The following TRAPPC9 variants were observed in gnomAD, a reference collection of about 807,000 sequenced individuals.
TRAPPC9 encodes the protein IKK2 binding protein.
In TRAPPC9, 83 loss-of-function variants were observed where a neutral mutation model predicts 124.0. That is an observed-to-expected ratio of 0.67 (90% CI 0.56 to 0.80). The LOEUF (loss-of-function observed/expected upper bound fraction) is 0.80. Among genes scored for constraint, TRAPPC9 ranks in the 30% least tolerant of loss-of-function variants. TRAPPC9 has a pLI of 0.00. For missense variants in TRAPPC9, 1,302 were observed against 1,508.3 expected, an observed-to-expected ratio of 0.86 and a Z score of 2.27; for synonymous variants, 638 against 617.5, an observed-to-expected ratio of 1.03 and a Z score of -0.49.
At chr8:140,062,585 C>T (rs1049842635) in intron 17 of TRAPPC9, among the ~76,000 whole-genome samples, 3 of 152,102 alleles carry the variant, frequency 2.0e-5, no homozygotes, top group Non-Finnish European at 2.9e-5. Context: ...TCCTGTAAGC[C>T]CTGCTCAGCA....
At chr8:139,810,395 T>C (rs960648862) in intron 21 of TRAPPC9, among the ~76,000 whole-genome samples, 1 of 151,894 alleles carries the variant, frequency 6.6e-6, no homozygotes, top group Non-Finnish European at 1.5e-5. Context: ...CGAGCCAGGG[T>C]CCAGCCGGAG....
At chr8:139,958,947 G>A (rs1476462120) in intron 19 of TRAPPC9, among the ~76,000 whole-genome samples, 6 of 134,726 alleles carry the variant, frequency 4.5e-5, no homozygotes, top group South Asian at 2.3e-4. Context: ...ACTGCATTCC[G>A]AGTCACACGG....
intron 17 of TRAPPC9, among the ~76,000 whole-genome samples, chr8:140,113,582 G>A (rs77919018): frequency 0.011 from 1,732 of 152,312 alleles, 37 homozygotes; most frequent in African/African-American, 0.04. Context: ...TCCTGGGCGT[G>A]GAGAAGTCAG....
intron 16 of TRAPPC9, among the ~76,000 whole-genome samples, chr8:140,245,051 G>A (rs1435653759): frequency 3.3e-5 from 5 of 151,880 alleles, no homozygotes; most frequent in Admixed American, 6.6e-5. Context: ...TGATTCACCC[G>A]CCTCAGCCTC....
At chr8:139,889,497 A>G (rs185929251) in intron 20 of TRAPPC9, among the ~76,000 whole-genome samples, 1 of 152,294 alleles carries the variant, frequency 6.6e-6, no homozygotes, top group Non-Finnish European at 1.5e-5. Flanking sequence ...GAGACAAGGA[A>G]TGGGAGGGAG....
intron 21 of TRAPPC9, among the ~76,000 whole-genome samples, chr8:139,751,405 C>A (rs1398593076): frequency 6.6e-6 from 1 of 152,202 alleles, no homozygotes; most frequent in Non-Finnish European, 1.5e-5. Flanking sequence ...CATATCCCTG[C>A]TGCTGGTCCC....
intron 17 of TRAPPC9, among the ~76,000 whole-genome samples, chr8:140,064,041 G>A (rs1014419862): frequency 6.6e-6 from 1 of 151,828 alleles, no homozygotes; most frequent in African/African-American, 2.4e-5. Flanking sequence ...CTTTTTCTCT[G>A]TGTAGCCATT....
intron 18 of TRAPPC9, among the ~76,000 whole-genome samples, chr8:140,001,016 A>G (rs559171283): frequency 1.1e-4 from 17 of 152,338 alleles, no homozygotes; most frequent in African/African-American, 3.6e-4. Flanking sequence ...GATTAAGAAA[A>G]TGTGGCACAT....
At chr8:140,412,406 C>T (rs1183615152) in intron 5 of TRAPPC9, among the ~76,000 whole-genome samples, 4 of 152,032 alleles carry the variant, frequency 2.6e-5, no homozygotes, top group Non-Finnish European at 4.4e-5. Context: ...GACTGGATCC[C>T]GCATCAGGAA....
chr8:139,942,212 G>A (rs528580733), intron 19 of TRAPPC9, among the ~76,000 whole-genome samples: 2 of 152,308 alleles, frequency 1.3e-5, no homozygotes, highest in African/African-American at 4.8e-5. Context: ...TTCTCAGCAA[G>A]GGTGATGACA....
At chr8:139,939,427 G>A (rs1388357367) in intron 19 of TRAPPC9, among the ~76,000 whole-genome samples, 1 of 152,240 alleles carries the variant, frequency 6.6e-6, no homozygotes, top group Non-Finnish European at 1.5e-5. Context: ...AACTCCAGAA[G>A]GAGGTGGTCC....
chr8:139,914,454 GT>G (rs1264029180), intron 19 of TRAPPC9, among the ~76,000 whole-genome samples: 26 of 152,376 alleles, frequency 1.7e-4, no homozygotes, highest in African/African-American at 6.0e-4. Flanking sequence ...CCTGTCCATC[GT>G]GGTAGGCACC....
chr8:140,400,610 G>A (rs560239868), intron 6 of TRAPPC9, among the ~76,000 whole-genome samples: 8 of 152,274 alleles, frequency 5.3e-5, no homozygotes, highest in Non-Finnish European at 7.3e-5. Flanking sequence ...AAATGAGGGC[G>A]TTTGGAACAG....
At chr8:139,960,431 C>CCT (rs1380574006) in intron 19 of TRAPPC9, among the ~76,000 whole-genome samples, 4 of 152,188 alleles carry the variant, frequency 2.6e-5, no homozygotes, top group African/African-American at 7.2e-5. Context: ...GAGCCCTCTC[C>CCT]CTCTGTACCT....
chr8:140,000,280 TAGA>T (rs1838301398), intron 18 of TRAPPC9, among the ~76,000 whole-genome samples: 1 of 152,160 alleles, frequency 6.6e-6, no homozygotes, highest in South Asian at 2.1e-4. Flanking sequence ...ATAAAAACCC[TAGA>T]AGAAAACCTA....
chr8:139,855,578 A>C (rs1193609495), intron 21 of TRAPPC9, among the ~76,000 whole-genome samples: 1 of 152,192 alleles, frequency 6.6e-6, no homozygotes, highest in East Asian at 1.9e-4. Context: ...TCTAGATAAG[A>C]TTCCCTGGAA....
chr8:140,139,229 C>G (rs1460605368), intron 17 of TRAPPC9, among the ~76,000 whole-genome samples: 1 of 152,166 alleles, frequency 6.6e-6, no homozygotes, highest in African/African-American at 2.4e-5. Flanking sequence ...CTGCCGGGAG[C>G]CTGTCCCATC....
At chr8:140,319,936 G>A (rs1270664149) in intron 9 of TRAPPC9, among the ~76,000 whole-genome samples, 1 of 152,194 alleles carries the variant, frequency 6.6e-6, no homozygotes, top group Non-Finnish European at 1.5e-5. Flanking sequence ...TCTTGTCTCT[G>A]CTAAGTAATA....
intron 18 of TRAPPC9, among the ~76,000 whole-genome samples, chr8:140,018,479 ACGCC>A (rs1336559925): frequency 6.6e-6 from 1 of 151,624 alleles, no homozygotes; most frequent in Non-Finnish European, 1.5e-5. Context: ...GCCCACCACC[ACGCC>A]CGGCTAATTT....
Sources: gnomAD v4.1 joint callset for allele counts (sites outside exome capture counted in the v4.1 genomes callset) on GRCh38, gnomAD v4.1.1 for gene constraint, MANE v1.5 for transcripts, NCBI Gene and HGNC (gene_info 2026-07-23, HGNC 2026-07-21) for gene names.